Variants in PDE11A observed in about 807,000 individuals in gnomAD.
PDE11A encodes the protein dual 3',5'-cyclic-AMP and -GMP phosphodiesterase 11A.
A neutral mutation model predicts 100.5 loss-of-function variants in PDE11A; 100 were observed. The observed-to-expected ratio is 1.00, with a 90% confidence interval of 0.85 to 1.18. The LOEUF is 1.18. PDE11A is among the 50% of genes most tolerant of loss of function. The pLI is 0.00. For missense variants in PDE11A, 1,141 were observed against 1,152.6 expected (o/e 0.99, Z 0.15); for synonymous variants, 381 against 420.8 (o/e 0.91, Z 1.16).
chr2:177,875,408 C>T (rs1211800363), intron 5 of PDE11A, among the ~76,000 whole-genome samples: 2 of 151,684 alleles, frequency 1.3e-5, no homozygotes, highest in Admixed American at 6.6e-5. Context: ...GGCAGAGTCT[C>T]GCTCTGTCAC....
intron 5 of PDE11A, among the ~76,000 whole-genome samples, chr2:177,865,402 T>G (rs1425701421): frequency 6.6e-6 from 1 of 152,228 alleles, no homozygotes; most frequent in African/African-American, 2.4e-5. Flanking sequence ...CCTCATTCTT[T>G]GCTGGTGCGA....
chr2:177,707,042 T>C (rs1365115299), intron 13 of PDE11A, among the ~76,000 whole-genome samples: 2 of 152,154 alleles, frequency 1.3e-5, no homozygotes, highest in African/African-American at 4.8e-5. Flanking sequence ...AGGCAGCCAA[T>C]AAACTGGAAG....
At chr2:177,671,263 C>T (rs990421734) in intron 17 of PDE11A, among the ~76,000 whole-genome samples, 3 of 60,976 alleles carry the variant, frequency 4.9e-5, no homozygotes, top group African/African-American at 1.2e-4. Flanking sequence ...TGGTATCTCC[C>T]CTGTGCTCCT....
intron 2 of PDE11A, among the ~76,000 whole-genome samples, chr2:177,948,682 T>C (rs544158649): frequency 5.9e-5 from 9 of 152,294 alleles, no homozygotes; most frequent in Non-Finnish European, 1.2e-4. Context: ...AGCAGGAGGA[T>C]TGCTTGAGTC....
At chr2:177,919,671 C>T (rs982565730) in intron 2 of PDE11A, among the ~76,000 whole-genome samples, 1 of 151,584 alleles carries the variant, frequency 6.6e-6, no homozygotes, top group Admixed American at 6.6e-5. Context: ...AAAAACGTGC[C>T]ATATTTCTCA....
At chr2:177,866,575 C>T (rs2084033865) in intron 5 of PDE11A, among the ~76,000 whole-genome samples, 2 of 152,180 alleles carry the variant, frequency 1.3e-5, no homozygotes, top group Admixed American at 6.5e-5. Context: ...AGAAGTGACT[C>T]ATGAATGTAT....
At chr2:177,824,794 T>C (rs546954693) in intron 6 of PDE11A, among the ~76,000 whole-genome samples, 3 of 152,316 alleles carry the variant, frequency 2.0e-5, no homozygotes, top group African/African-American at 7.2e-5. Context: ...AATCATGCTA[T>C]AGAAGAATAG....
intron 10 of PDE11A, among the ~76,000 whole-genome samples, chr2:177,769,012 A>G (rs2082275032): frequency 6.6e-6 from 1 of 152,206 alleles, no homozygotes; most frequent in South Asian, 2.1e-4. Flanking sequence ...AGCAAGTTAG[A>G]GGTAAAACTG....
At chr2:177,911,794 G>A (rs528769667) in intron 2 of PDE11A, among the ~76,000 whole-genome samples, 29 of 151,952 alleles carry the variant, frequency 1.9e-4, no homozygotes, top group Admixed American at 9.2e-4. Flanking sequence ...TGAGGTAGGA[G>A]AATCACTTGA....
chr2:177,940,807 T>C (rs2085337600), intron 2 of PDE11A, among the ~76,000 whole-genome samples: 1 of 152,196 alleles, frequency 6.6e-6, no homozygotes, highest in South Asian at 2.1e-4. Flanking sequence ...AGTCTCTTAG[T>C]AGGACATCGT....
intron 4 of PDE11A, among the ~76,000 whole-genome samples, chr2:177,893,052 C>T (rs1012994699): frequency 2.6e-5 from 4 of 152,122 alleles, no homozygotes; most frequent in South Asian, 2.1e-4. Context: ...CACCACTATA[C>T]GGAGAATTGA....
chr2:177,758,487 T>C lies in PDE11A; in HGVS notation c.1788+10836A>G, dbSNP rs115768192. On this transcript the variant is annotated intron_variant, in intron 10 of 19. Coordinates refer to ENST00000286063, the MANE Select transcript of PDE11A (RefSeq NM_016953.4). ...GAAAAGCACCTCAACAGAGCTACCATTTCACCAACATGCAGTATTCTGGGG... is the reference window on the plus strand; with the variant it reads ...GAAAAGCACCTCAACAGAGCTACCACTTCACCAACATGCAGTATTCTGGGG... 2.2e-3 allele frequency among the ~76,000 whole-genome samples: 328 copies of C among 152,168 alleles called. 1 individual carries two copies. Among genetic ancestry groups the C allele is most frequent in the African/African-American group, 7.5e-3 (313 of 41,514 alleles).
intron 16 of PDE11A, among the ~76,000 whole-genome samples, chr2:177,678,520 T>C (rs556920390): frequency 2.6e-5 from 4 of 152,338 alleles, no homozygotes; most frequent in South Asian, 2.1e-4. Context: ...TATCTCACCA[T>C]TGACTATTTA....
chr2:177,937,304 A>G (rs1294078981), intron 2 of PDE11A, among the ~76,000 whole-genome samples: 1 of 148,780 alleles, frequency 6.7e-6, no homozygotes, highest in Non-Finnish European at 1.5e-5. Context: ...CAGAAATTTC[A>G]TAATAAATTG....
chr2:177,704,016 C>T (rs925965746), intron 13 of PDE11A, among the ~76,000 whole-genome samples: 44 of 152,228 alleles, frequency 2.9e-4, no homozygotes, highest in African/African-American at 1.0e-3. Flanking sequence ...CCCAGCCTCA[C>T]ACAATACTGA....
chr2:177,857,084 C>A (rs955420343), intron 5 of PDE11A, among the ~76,000 whole-genome samples: 1 of 151,806 alleles, frequency 6.6e-6, no homozygotes, highest in Non-Finnish European at 1.5e-5. Flanking sequence ...ATAAAAGTAA[C>A]CCTCAATAAG....
chr2:177,749,192 G>GTTTT (rs149636055), intron 10 of PDE11A, among the ~76,000 whole-genome samples: 1 of 83,992 alleles, frequency 1.2e-5, no homozygotes, highest in African/African-American at 3.3e-5. Context: ...AAATACAGGA[G>GTTTT]TTTTGTTTGT....
At chr2:177,947,011 T>TG (rs1246905227) in intron 2 of PDE11A, among the ~76,000 whole-genome samples, 11 of 43,160 alleles carry the variant, frequency 2.5e-4, no homozygotes, top group Non-Finnish European at 3.6e-4. Context: ...GGGAAGGAGG[T>TG]GGGGGGGGTC....
intron 9 of PDE11A, among the ~76,000 whole-genome samples, chr2:177,794,163 A>C (rs558163624): frequency 2.2e-4 from 33 of 152,080 alleles, no homozygotes; most frequent in Non-Finnish European, 4.4e-4. Flanking sequence ...TGTTGGGGGC[A>C]GGAAAGGGGG....
Sources: allele counts gnomAD v4.1 joint callset (sites outside exome capture counted in the v4.1 genomes callset), GRCh38; gene constraint gnomAD v4.1.1; transcripts MANE v1.5; gene names NCBI Gene and HGNC (gene_info 2026-07-23, HGNC 2026-07-21).